Variants in CEP63 observed in about 807,000 individuals in gnomAD.
CEP63 encodes centrosomal protein 63.
CEP63 carries 84 observed loss-of-function variants against 89.1 expected under a neutral mutation model. The ratio of observed to expected loss-of-function variants is 0.94; its 90% CI spans 0.79 to 1.13. CEP63 has a LOEUF of 1.13. CEP63 is among the 50% of genes most tolerant of loss of function. The probability of loss-of-function intolerance (pLI) is 0.00; values close to 1 mark genes in which losing one functional copy is unlikely to be tolerated. For synonymous variants in CEP63, 267 were observed against 272.5 expected (o/e 0.98, Z 0.20); for missense variants, 838 against 813.3 (o/e 1.03, Z -0.37).
In CEP63 at chr3:134,488,749, C is replaced by G. The variant is rs1424978455; in HGVS notation, c.-26+2547C>G. On this transcript the variant is annotated intron_variant, in intron 1 of 14. Coordinates refer to ENST00000675561, the MANE Select transcript of CEP63 (RefSeq NM_001353108.3). ...CTTCCATGAAACAGGTCCCTGGTGC[C>G]AAAAAGGTTGGGGACCACTGCTCTA... 3.9e-5 allele frequency among the ~76,000 whole-genome samples: 6 copies of G among 152,136 alleles called. No individual in the cohort carries two copies. In the South Asian group the frequency reaches 1.0e-3, roughly 26 times the overall value.
the CEP63 span, among the ~76,000 whole-genome samples, chr3:134,661,583 A>G: frequency 6.6e-6 from 1 of 152,180 alleles, no homozygotes; most frequent in East Asian, 1.9e-4. Flanking sequence ...GAAGAAACAC[A>G]AAGAATCTGG....
At chr3:134,500,743 T>C (rs1261225662) in intron 2 of CEP63, among the ~76,000 whole-genome samples, 4 of 152,196 alleles carry the variant, frequency 2.6e-5, no homozygotes, top group Non-Finnish European at 5.9e-5. Flanking sequence ...AGCCCTTTGT[T>C]GGATGCATGG....
the CEP63 span, among the ~76,000 whole-genome samples, chr3:134,760,962 T>C: frequency 6.6e-6 from 1 of 151,676 alleles, no homozygotes; most frequent in Non-Finnish European, 1.5e-5. Flanking sequence ...CTCTTTCAGG[T>C]ATTCAGGTTT....
the CEP63 span, among the ~76,000 whole-genome samples, chr3:134,726,752 C>T: frequency 1.3e-5 from 2 of 152,074 alleles, no homozygotes; most frequent in African/African-American, 4.8e-5. Context: ...ACATAATTTC[C>T]CCTGATCCAC....
At chr3:134,760,409 G>A in the CEP63 span, among the ~76,000 whole-genome samples, 3 of 152,126 alleles carry the variant, frequency 2.0e-5, no homozygotes, top group Non-Finnish European at 4.4e-5. Flanking sequence ...AGCAGGAAGG[G>A]ACCTTTATCT....
the CEP63 span, among the ~76,000 whole-genome samples, chr3:134,664,150 T>C: frequency 6.6e-6 from 1 of 152,322 alleles, no homozygotes; most frequent in African/African-American, 2.4e-5. Flanking sequence ...TACCGCCTGC[T>C]CTTTGCTTCC....
Position 134,551,752 on chromosome 3 carries a change from T to TAC in CEP63, c.1381-173_1381-172insCA, listed in dbSNP as rs1954891694. On this transcript the variant is annotated intron_variant, in intron 11 of 14. Coordinates refer to ENST00000675561, the MANE Select transcript of CEP63 (RefSeq NM_001353108.3). ...ATATATATATATATATATATATATA[T>TAC]ATACACACACACACGTACATATATA... 2.0e-3 allele frequency among the ~76,000 whole-genome samples: 27 copies of TAC among 13,430 alleles called. No individual in the cohort carries two copies. In the South Asian group the frequency reaches 0.045, roughly 22 times the overall value. The allele number at this position is 13,430 out of a possible 152,430, so 8.8% of individuals were successfully genotyped here.
At chr3:134,764,064 G>A in the CEP63 span, among the ~76,000 whole-genome samples, 2 of 152,308 alleles carry the variant, frequency 1.3e-5, no homozygotes, top group African/African-American at 2.4e-5. Context: ...TACAAGACAT[G>A]GGCAATTTAG....
intron 2 of CEP63, among the ~76,000 whole-genome samples, chr3:134,502,706 CT>C (rs955181751): frequency 6.5e-4 from 99 of 151,680 alleles, no homozygotes; most frequent in African/African-American, 2.3e-3. Flanking sequence ...TTGGATCTTC[CT>C]TTTTTTTGGT....
the CEP63 span, among the ~76,000 whole-genome samples, chr3:134,685,862 C>A: frequency 1.3e-5 from 2 of 152,236 alleles, no homozygotes; most frequent in Non-Finnish European, 2.9e-5. Context: ...AAATGGGCTT[C>A]AGTGCCCTCC....
intron 3 of CEP63, among the ~76,000 whole-genome samples, chr3:134,515,843 A>T (rs1946080972): frequency 6.6e-6 from 1 of 152,170 alleles, no homozygotes; most frequent in East Asian, 1.9e-4. Context: ...TGTTTTAAGG[A>T]AGTTCACACA....
chr3:134,508,498 G>A (rs1326113183), intron 3 of CEP63, among the ~76,000 whole-genome samples: 3 of 152,072 alleles, frequency 2.0e-5, no homozygotes, highest in African/African-American at 7.2e-5. Context: ...TTTCTCCTAG[G>A]GCAAAACAAA....
chr3:134,511,287 TG>T (rs1944864896), intron 3 of CEP63: 1 of 163,236 alleles, frequency 6.1e-6, no homozygotes, highest in Non-Finnish European at 1.4e-5. Flanking sequence ...CTGATGTTCC[TG>T]GCAAAGCAAT....
At chr3:134,613,452 G>C in the CEP63 span, among the ~76,000 whole-genome samples, 1 of 152,186 alleles carries the variant, frequency 6.6e-6, no homozygotes. Context: ...ATGTCCACCT[G>C]TACTGCTCTG....
intron 5 of CEP63, among the ~76,000 whole-genome samples, chr3:134,533,306 C>T (rs1559963656): frequency 6.6e-6 from 1 of 152,144 alleles, no homozygotes; most frequent in Non-Finnish European, 1.5e-5. Flanking sequence ...GGAAACATGA[C>T]CACTAGTTAT....
At chr3:134,494,092 A>ATATT (rs56200311) in intron 1 of CEP63, among the ~76,000 whole-genome samples, 25,802 of 143,356 alleles carry the variant, frequency 0.18, 2,577 homozygotes, top group Middle Eastern at 0.24. Context: ...CCTTTATTTT[A>ATATT]TATTTATTTA....
the CEP63 span, chr3:134,651,668 C>T: frequency 2.2e-6 from 2 of 929,918 alleles, no homozygotes; most frequent in Non-Finnish European, 2.6e-6. Flanking sequence ...CATTGAGTAT[C>T]AAGCTAACGA....
upstream of CEP63, chr3:134,485,983 C>G (rs1406542994): frequency 4.5e-6 from 4 of 890,688 alleles, no homozygotes; most frequent in East Asian, 4.0e-4. Context: ...GACGCTTGCT[C>G]CTGCCACGCC....
At chr3:134,669,219 A>T in the CEP63 span, among the ~76,000 whole-genome samples, 1 of 151,866 alleles carries the variant, frequency 6.6e-6, no homozygotes, top group Non-Finnish European at 1.5e-5. Context: ...TTGTAGAGAG[A>T]GGGTTTTGCC....
Sources: allele counts gnomAD v4.1 joint callset (sites outside exome capture counted in the v4.1 genomes callset), GRCh38; gene constraint gnomAD v4.1.1; transcripts MANE v1.5; gene names NCBI Gene and HGNC (gene_info 2026-07-23, HGNC 2026-07-21).